OSBPL6: variants seen among roughly 807,000 people sequenced by gnomAD.
OSBPL6 encodes oxysterol binding protein like 6, also known as oxysterol-binding protein-related protein 6.
In OSBPL6, 49 loss-of-function variants were observed where a neutral mutation model predicts 125.8. The observed-to-expected ratio is 0.39, with a 90% confidence interval of 0.31 to 0.49. The LOEUF (loss-of-function observed/expected upper bound fraction) is 0.49, where lower values mean the gene tolerates loss of function less well. Ranked by LOEUF, OSBPL6 falls within the 20% of genes least tolerant of loss-of-function variation. The probability of loss-of-function intolerance (pLI) is 0.88; values close to 1 mark genes in which losing one functional copy is unlikely to be tolerated. For synonymous variants in OSBPL6, 394 were observed against 391.8 expected (o/e 1.01, Z -0.07); for missense variants, 986 against 1,135.4 (o/e 0.87, Z 1.89).
At chr2:178,200,939 C>T (rs1335532703) in intron 1 of OSBPL6, among the ~76,000 whole-genome samples, 10 of 152,014 alleles carry the variant, frequency 6.6e-5, no homozygotes, top group South Asian at 4.2e-4. Flanking sequence ...GGATTACAGG[C>T]GCCCGCCAGC....
intron 2 of OSBPL6, among the ~76,000 whole-genome samples, chr2:178,294,771 T>A (rs1164752915): frequency 1.3e-5 from 2 of 151,616 alleles, no homozygotes; most frequent in East Asian, 3.9e-4. Flanking sequence ...AAATCAAAAT[T>A]GTATATTTTG....
At chr2:178,280,125 G>C (rs1400436104) in intron 1 of OSBPL6, among the ~76,000 whole-genome samples, 1 of 152,106 alleles carries the variant, frequency 6.6e-6, no homozygotes, top group Non-Finnish European at 1.5e-5. Context: ...TTGAACCTGG[G>C]AGGTGGAGGT....
At chr2:178,273,767 T>C (rs890148090) in intron 1 of OSBPL6, among the ~76,000 whole-genome samples, 2 of 152,300 alleles carry the variant, frequency 1.3e-5, no homozygotes. Flanking sequence ...ACAGAGGCAG[T>C]TGCAAATACA....
At chr2:178,347,820 T>C (rs904531929) in intron 11 of OSBPL6, among the ~76,000 whole-genome samples, 1 of 152,150 alleles carries the variant, frequency 6.6e-6, no homozygotes, top group African/African-American at 2.4e-5. Flanking sequence ...GAAGATGAGG[T>C]AGGGTTCCTT....
At chr2:178,302,713 C>T (rs2154056204) in intron 2 of OSBPL6, among the ~76,000 whole-genome samples, 1 of 152,224 alleles carries the variant, frequency 6.6e-6, no homozygotes, top group South Asian at 2.1e-4. Context: ...AACTGTAGTT[C>T]AACTGAAATG....
At chr2:178,199,777 T>C (rs890974331) in intron 1 of OSBPL6, among the ~76,000 whole-genome samples, 1 of 152,212 alleles carries the variant, frequency 6.6e-6, no homozygotes, top group African/African-American at 2.4e-5. Context: ...ACACTGTACA[T>C]TGTTTGCCGT....
chr2:178,222,610 G>A (rs2153970941), intron 1 of OSBPL6, among the ~76,000 whole-genome samples: 1 of 152,308 alleles, frequency 6.6e-6, no homozygotes, highest in Non-Finnish European at 1.5e-5. Context: ...TCTCGCCATT[G>A]CACTCCAGCC....
At chr2:178,212,633 C>T (rs2089912863) in intron 1 of OSBPL6, among the ~76,000 whole-genome samples, 1 of 152,218 alleles carries the variant, frequency 6.6e-6, no homozygotes, top group Non-Finnish European at 1.5e-5. Context: ...TTGTATAAAA[C>T]ACCTTAGCTG....
At chr2:178,309,781 A>G (rs539246718) in intron 3 of OSBPL6, among the ~76,000 whole-genome samples, 6 of 152,250 alleles carry the variant, frequency 3.9e-5, no homozygotes, top group East Asian at 1.9e-4. Flanking sequence ...TGCAATAAAC[A>G]TATTAATATA....
intron 1 of OSBPL6, among the ~76,000 whole-genome samples, chr2:178,254,756 T>C (rs2091824349): frequency 6.6e-6 from 1 of 152,164 alleles, no homozygotes; most frequent in African/African-American, 2.4e-5. Context: ...TTTTAAACAG[T>C]GCCCCGAAGT....
intron 1 of OSBPL6, among the ~76,000 whole-genome samples, chr2:178,249,367 A>G (rs2091604835): frequency 6.6e-6 from 1 of 152,184 alleles, no homozygotes; most frequent in South Asian, 2.1e-4. Flanking sequence ...TTTAGTAGCT[A>G]TAAATTTATT....
At chr2:178,352,419 CA>C (rs906860352) in intron 12 of OSBPL6, among the ~76,000 whole-genome samples, 10 of 152,230 alleles carry the variant, frequency 6.6e-5, no homozygotes, top group African/African-American at 2.4e-4. Flanking sequence ...TAGCAACCAG[CA>C]GACAAGGAGA....
chr2:178,204,847 C>A (rs1159333470), intron 1 of OSBPL6, among the ~76,000 whole-genome samples: 1 of 152,170 alleles, frequency 6.6e-6, no homozygotes, highest in Non-Finnish European at 1.5e-5. Context: ...AGTTGGCTAG[C>A]AGTTTTATTG....
chr2:178,273,357 G>A (rs1225545857), intron 1 of OSBPL6, among the ~76,000 whole-genome samples: 2 of 152,182 alleles, frequency 1.3e-5, no homozygotes, highest in Non-Finnish European at 2.9e-5. Flanking sequence ...GGGAGGCCAA[G>A]GCAGGTGAAT....
chr2:178,246,743 A>C (rs1317737828), intron 1 of OSBPL6, among the ~76,000 whole-genome samples: 1 of 152,184 alleles, frequency 6.6e-6, no homozygotes, highest in Admixed American at 6.5e-5. Context: ...CTGTGGCCTC[A>C]TAATTAGCCT....
At chr2:178,217,396 TC>T (rs2153965329) in intron 1 of OSBPL6, among the ~76,000 whole-genome samples, 1 of 152,266 alleles carries the variant, frequency 6.6e-6, no homozygotes, top group Admixed American at 6.5e-5. Flanking sequence ...ACAAAAGAAG[TC>T]AGTGGGATGG....
intron 1 of OSBPL6, among the ~76,000 whole-genome samples, chr2:178,247,400 C>T (rs1234498602): frequency 6.6e-6 from 1 of 151,908 alleles, no homozygotes; most frequent in Non-Finnish European, 1.5e-5. Context: ...TTCATGGTTT[C>T]TTGGCAGGGA....
intron 2 of OSBPL6, among the ~76,000 whole-genome samples, chr2:178,290,441 T>C (rs1171916895): frequency 1.4e-4 from 17 of 124,354 alleles, no homozygotes; most frequent in Admixed American, 7.4e-4. Context: ...TTTTTTTTTT[T>C]CATTTTGATG....
chr2:178,210,020 T>C (rs994928900), intron 1 of OSBPL6, among the ~76,000 whole-genome samples: 5 of 151,832 alleles, frequency 3.3e-5, no homozygotes, highest in Admixed American at 6.6e-5. Flanking sequence ...ATTTATCTAT[T>C]TATTTATTTA....
Sources: gnomAD v4.1 joint callset for allele counts (sites outside exome capture counted in the v4.1 genomes callset) on GRCh38, gnomAD v4.1.1 for gene constraint, MANE v1.5 for transcripts, NCBI Gene and HGNC (gene_info 2026-07-23, HGNC 2026-07-21) for gene names.